FBXL17: variants seen among roughly 807,000 people sequenced by gnomAD.
FBXL17 encodes F-box/LRR-repeat protein 17.
In FBXL17, 22 loss-of-function variants were observed where a neutral mutation model predicts 66.2. The ratio of observed to expected loss-of-function variants is 0.33; its 90% CI spans 0.24 to 0.47. FBXL17 has a LOEUF of 0.47. Ranked by LOEUF, FBXL17 falls within the 20% of genes least tolerant of loss-of-function variation. The pLI, the probability that FBXL17 is intolerant of heterozygous loss-of-function variation, is 1.00. For synonymous variants in FBXL17, 474 were observed against 400.5 expected, an observed-to-expected ratio of 1.18 and a Z score of -2.19; for missense variants, 878 against 948.2, an observed-to-expected ratio of 0.93 and a Z score of 0.97.
intron 1 of FBXL17, among the ~76,000 whole-genome samples, chr5:108,371,436 A>G (rs2112608721): frequency 6.6e-6 from 1 of 152,388 alleles, no homozygotes; most frequent in South Asian, 2.1e-4. Context: ...CACACAAAAC[A>G]TAAATGAATG....
Position 108,358,003 on chromosome 5 carries a change from C to A in FBXL17, c.1374+6735G>T, listed in dbSNP as rs113440986. Among the ~76,000 whole-genome samples the A allele has an allele frequency of 3.5e-3, 533 of 152,172 alleles. 3 individuals are homozygous for A. Among genetic ancestry groups the A allele is most frequent in the African/African-American group, 0.012 (492 of 41,554 alleles). On this transcript the variant is annotated intron_variant, in intron 3 of 8. Transcript: ENST00000542267. ...ATTTCTTTTGGGGTGTGTAGAAATA[C>A]AACTGATTTTTCTGTATTTTGATTT...
intron 6 of FBXL17, among the ~76,000 whole-genome samples, chr5:108,065,322 T>C (rs548950584): frequency 4.6e-5 from 7 of 152,224 alleles, no homozygotes; most frequent in Non-Finnish European, 1.0e-4. Context: ...ACAAAGCACA[T>C]ACAGGAAGCA....
At chr5:108,269,087 T>A (rs1439205952) in intron 4 of FBXL17, among the ~76,000 whole-genome samples, 1 of 152,096 alleles carries the variant, frequency 6.6e-6, no homozygotes, top group Non-Finnish European at 1.5e-5. Flanking sequence ...CATAAGGTTG[T>A]TTGTACAAAT....
At chr5:108,009,493 A>T (rs967733565) in intron 7 of FBXL17, among the ~76,000 whole-genome samples, 1 of 151,344 alleles carries the variant, frequency 6.6e-6, no homozygotes, top group African/African-American at 2.4e-5. Flanking sequence ...GTCACTTGGC[A>T]TACACAGAGC....
Position 108,005,402 on chromosome 5 carries a change from T to C in FBXL17, c.1822+15523A>G, listed in dbSNP as rs183581327. The stretch of plus-strand genomic sequence containing the variant: ...TTTTAGGAGTATAATAAATGTTCTC[T>C]TAAAAAGCATGCTGGGCAGAGGAAA... On this transcript the variant is annotated intron_variant, in intron 7 of 8. Transcript: ENST00000542267. Among the ~76,000 whole-genome samples, 4 of 152,290 alleles carry C rather than the reference T, an allele frequency of 2.6e-5. No individual in the cohort carries two copies. The East Asian group carries it at 7.7e-4, about 29-fold the overall frequency.
chr5:108,207,922 A>G (rs1580615423), intron 5 of FBXL17, among the ~76,000 whole-genome samples: 1 of 150,522 alleles, frequency 6.6e-6, no homozygotes, highest in East Asian at 2.0e-4. Context: ...GTTGAACAAC[A>G]CTCCTACCGA....
At chr5:108,029,041 G>A (rs985892964) in intron 6 of FBXL17, among the ~76,000 whole-genome samples, 3 of 152,084 alleles carry the variant, frequency 2.0e-5, no homozygotes, top group Middle Eastern at 3.4e-3. Flanking sequence ...AATGTTTCCC[G>A]TATGCTTTAA....
intron 4 of FBXL17, among the ~76,000 whole-genome samples, chr5:108,270,546 A>G (rs376656283): frequency 6.6e-6 from 1 of 150,928 alleles, no homozygotes; most frequent in Non-Finnish European, 1.5e-5. Flanking sequence ...AAAAAAAAAA[A>G]ACATGTTCTC....
intron 4 of FBXL17, among the ~76,000 whole-genome samples, chr5:108,348,009 A>AT (rs557064469): frequency 3.0e-4 from 46 of 152,266 alleles, no homozygotes; most frequent in East Asian, 2.9e-3. Context: ...ACAAGAGTAC[A>AT]TTTTTCTGGA....
intron 7 of FBXL17, among the ~76,000 whole-genome samples, chr5:107,906,957 A>T (rs145421482): frequency 7.0e-4 from 107 of 152,326 alleles, no homozygotes; most frequent in African/African-American, 2.5e-3. Flanking sequence ...ATGGCAAGTA[A>T]TGTGATACTG....
intron 7 of FBXL17, among the ~76,000 whole-genome samples, chr5:107,932,280 G>A (rs1435263962): frequency 1.3e-5 from 2 of 152,094 alleles, no homozygotes; most frequent in Non-Finnish European, 2.9e-5. Flanking sequence ...ATAATAGAAT[G>A]TTCTCATTGG....
At chr5:107,913,263 C>T (rs1438319440) in intron 7 of FBXL17, among the ~76,000 whole-genome samples, 1 of 151,454 alleles carries the variant, frequency 6.6e-6, no homozygotes, top group Non-Finnish European at 1.5e-5. Context: ...TTTTGTGGAA[C>T]TGACAGACTG....
chr5:107,908,942 G>A (rs145754912), intron 7 of FBXL17, among the ~76,000 whole-genome samples: 110 of 152,258 alleles, frequency 7.2e-4, no homozygotes, highest in African/African-American at 2.6e-3. Context: ...TCTATCTGCC[G>A]TTGTCAGTGC....
At chr5:108,289,948 T>C (rs191089704) in intron 4 of FBXL17, among the ~76,000 whole-genome samples, 11 of 152,328 alleles carry the variant, frequency 7.2e-5, no homozygotes, top group African/African-American at 2.2e-4. Context: ...TATTTTACTC[T>C]GTAAAACATT....
At chr5:108,317,078 TC>T (rs1407125601) in intron 4 of FBXL17, among the ~76,000 whole-genome samples, 3 of 151,222 alleles carry the variant, frequency 2.0e-5, no homozygotes, top group African/African-American at 7.3e-5. Flanking sequence ...TATACCACTA[TC>T]AAATCCCAAC....
intron 5 of FBXL17, among the ~76,000 whole-genome samples, chr5:108,219,734 C>T (rs912542777): frequency 6.6e-6 from 1 of 151,838 alleles, no homozygotes; most frequent in Admixed American, 6.6e-5. Context: ...CCTTGTTATC[C>T]TTTTAATGCC....
chr5:108,123,634 T>C (rs1194445361), intron 6 of FBXL17, among the ~76,000 whole-genome samples: 1 of 152,194 alleles, frequency 6.6e-6, no homozygotes, highest in Non-Finnish European at 1.5e-5. Context: ...AAGCAAACTT[T>C]AGTTTCATCT....
At chr5:108,230,906 T>C (rs967315929) in intron 4 of FBXL17, among the ~76,000 whole-genome samples, 1 of 151,710 alleles carries the variant, frequency 6.6e-6, no homozygotes, top group Non-Finnish European at 1.5e-5. Flanking sequence ...CTTACAAATG[T>C]AACCAAATAT....
chr5:107,913,585 GA>G (rs1750023259), intron 7 of FBXL17, among the ~76,000 whole-genome samples: 1 of 152,064 alleles, frequency 6.6e-6, no homozygotes, highest in Middle Eastern at 3.4e-3. Context: ...GAGAATTTTT[GA>G]ACTTTAAGTG....
Sources: gnomAD v4.1 joint callset for allele counts (sites outside exome capture counted in the v4.1 genomes callset) on GRCh38, gnomAD v4.1.1 for gene constraint, MANE v1.5 for transcripts, NCBI Gene and HGNC (gene_info 2026-07-23, HGNC 2026-07-21) for gene names.